XDH: variants seen among roughly 807,000 people sequenced by gnomAD.
XDH encodes xanthine dehydrogenase, also known as xanthine dehydrogenase/oxidase.
Under a neutral mutation model 156.1 loss-of-function variants are expected in XDH, and 138 were observed. That is an observed-to-expected ratio of 0.88 (90% CI 0.77 to 1.02). The LOEUF (loss-of-function observed/expected upper bound fraction) is 1.02, where lower values mean the gene tolerates loss of function less well. Ranked by LOEUF, XDH falls within the 50% of genes least tolerant of loss-of-function variation. XDH has a pLI of 0.00. For missense variants in XDH, 1,849 were observed against 1,684.9 expected (o/e 1.10, Z -1.71); for synonymous variants, 669 against 625.7 (o/e 1.07, Z -1.03).
In XDH at chr2:31,363,684, T is replaced by C. The variant is rs144135699; in HGVS notation, c.2631+474A>G. On this transcript the variant is annotated intron_variant, in intron 24 of 35. Coordinates refer to ENST00000379416, the MANE Select transcript of XDH (RefSeq NM_000379.4). The stretch of plus-strand genomic sequence containing the variant: ...ATTTAAAATTAAAACATCACAGAAA[T>C]GTGTAACACAGAAAATGACAGTGTG... 5.6e-4 allele frequency among the ~76,000 whole-genome samples: 85 copies of C among 152,308 alleles called. 1 individual carries two copies. The highest frequency in any genetic ancestry group is 2.3e-3 in the East Asian group (12 of 5,184).
At chr2:31,383,659 G>A (rs988144532) in intron 10 of XDH, 96 bp downstream of exon 10, 1 of 1,175,140 alleles carries the variant, frequency 8.5e-7, no homozygotes, top group Admixed American at 2.0e-5. Flanking sequence ...GGCAGCCAGA[G>A]CCAGTGGGGA....
At chr2:31,405,074 T>C (rs2148009690) in intron 2 of XDH, among the ~76,000 whole-genome samples, 1 of 152,292 alleles carries the variant, frequency 6.6e-6, no homozygotes, top group East Asian at 1.9e-4. Context: ...CTCTAGGCTT[T>C]GGTGCAATCT....
Position 31,398,572 on chromosome 2 carries a change from C to T in XDH, c.433+1G>A. 1 of 1,614,020 alleles carries T rather than the reference C, an allele frequency of 6.2e-7. No individual in the cohort carries two copies. On this transcript the variant is annotated splice_donor_variant, in intron 5 of 35. Transcript: ENST00000379416. LOFTEE classifies it high-confidence loss of function. ...CCTAGGCTGTGCCTGAAGGCCCATA[C>T]CTTGGAAGGCATTCTCAATCTCCTC...
rs779220188 is a variant in XDH at position 31,337,802 on chromosome 2, G to T, written c.3790C>A (p.Pro1264Thr). 8.7e-6 allele frequency: 14 copies of T among 1,614,180 alleles called. No individual in the cohort carries two copies. The highest frequency in any genetic ancestry group is 6.6e-5 in the South Asian group (6 of 91,076). The part of the protein sequence containing the change: ...IYASKAVGEP[P>T]LFLAASIFFA... ...AAGATAGAAGCAGCCAGGAAGAGGG[G>T]CGGCTCTCCAACAGCCTGAACACAG... The change falls in exon 35 of 36, where the codon CCC becomes ACC. Residue 1264 changes from proline (P) to threonine (T), a missense_variant. Transcript: ENST00000379416.
chr2:31,404,835 T>C (rs1189628885), intron 2 of XDH, among the ~76,000 whole-genome samples: 1 of 152,144 alleles, frequency 6.6e-6, no homozygotes. Context: ...AGCCAACCAC[T>C]GTACTGTCTG....
At chr2:31,380,452 T>G (rs1686407888) in intron 12 of XDH, among the ~76,000 whole-genome samples, 1 of 152,230 alleles carries the variant, frequency 6.6e-6, no homozygotes, top group Non-Finnish European at 1.5e-5. Flanking sequence ...TAGTTTATGC[T>G]GAACCCCTGC....
chr2:31,380,178 T>C, intron 12 of XDH, among the ~76,000 whole-genome samples: 1 of 152,238 alleles, frequency 6.6e-6, no homozygotes, highest in Non-Finnish European at 1.5e-5. Flanking sequence ...GGTGAATCTT[T>C]AACAACCAGT....
rs931623095 is a variant in XDH, at chr2:31,401,209, C to T, written c.306+11G>A. The T allele has an allele frequency of 6.2e-7, 1 of 1,613,806 alleles. No individual in the cohort carries two copies. Among genetic ancestry groups the T allele is most frequent in the African/African-American group, 1.3e-5 (1 of 74,938 alleles). On this transcript the variant is annotated intron_variant, in intron 4 of 35. Coordinates refer to ENST00000379416, the MANE Select transcript of XDH (RefSeq NM_000379.4). ...TGATCTCAAGAGCACAGCTCCCTTT[C>T]CTCTGTTTACCTGCACAGGATGCAG...
chr2:31,375,575 G>GGA (rs888436647), intron 14 of XDH, 21 bp from the exon 15 acceptor site: 24 of 1,611,078 alleles, frequency 1.5e-5, no homozygotes, highest in Admixed American at 1.0e-4. Flanking sequence ...GCAGGGCGTG[G>GGA]GACAGCGCTC....
intron 28 of XDH, among the ~76,000 whole-genome samples, 200 bp from the exon 29 acceptor site, chr2:31,347,850 T>C (rs1685344598): frequency 6.6e-6 from 1 of 152,200 alleles, no homozygotes; most frequent in Non-Finnish European, 1.5e-5. Flanking sequence ...AAAAAATTCA[T>C]AAACTGACAA....
Position 31,348,419 on chromosome 2 carries a change from G to A in XDH, c.3052-56C>T, listed in dbSNP as rs953579841. On this transcript the variant is annotated intron_variant, in intron 27 of 35. Coordinates refer to ENST00000379416, the MANE Select transcript of XDH (RefSeq NM_000379.4). ...ATTCAGTAAAATCCAACTCATTAAG[G>A]TTTGGGACCAAAGGTATGGAGCCCA... The A allele has an allele frequency of 3.2e-6, 5 of 1,549,838 alleles. No homozygotes were observed. The African/African-American group carries it at 4.1e-5, about 13-fold the overall frequency.
chr2:31,368,809 C>T (rs1358868756), intron 18 of XDH, 149 bp from the exon 19 acceptor site: 5 of 1,454,598 alleles, frequency 3.4e-6, no homozygotes, highest in East Asian at 2.4e-5. Flanking sequence ...ATTTCCTTAT[C>T]CTACTGATTG....
At chr2:31,353,231 G>A (rs1448970320) in intron 24 of XDH, among the ~76,000 whole-genome samples, 1 of 152,092 alleles carries the variant, frequency 6.6e-6, no homozygotes, top group Non-Finnish European at 1.5e-5. Context: ...CCACAATAAT[G>A]AGGAGTACGT....
chr2:31,401,761 T>G (rs1429037280), intron 3 of XDH, among the ~76,000 whole-genome samples: 1 of 152,254 alleles, frequency 6.6e-6, no homozygotes, highest in Non-Finnish European at 1.5e-5. Flanking sequence ...TCGCCTCTAT[T>G]GCTTTCATTT....
intron 4 of XDH, among the ~76,000 whole-genome samples, 164 bp downstream of exon 4, chr2:31,401,056 C>T (rs957274554): frequency 1.3e-5 from 2 of 152,164 alleles, no homozygotes; most frequent in Non-Finnish European, 2.9e-5. Flanking sequence ...TTTCACCTCA[C>T]GGTACCCAGA....
In XDH at chr2:31,373,964, G is replaced by A. The variant is rs1558693271; in HGVS notation, c.1603-8C>T. On this transcript the variant is annotated splice_region_variant and splice_polypyrimidine_tract_variant and intron_variant, in intron 15 of 35. Transcript: ENST00000379416. The stretch of plus-strand genomic sequence containing the variant: ...GTCCAGTTTACCACACTTCTGTGGA[G>A]ACAAGAAAACAGAGGTGACCAGGAT... 1 of 1,612,636 alleles carries A rather than the reference G, an allele frequency of 6.2e-7. No individual in the cohort carries two copies. Among genetic ancestry groups the A allele is most frequent in the Non-Finnish European group, 8.5e-7 (1 of 1,179,156 alleles).
At chr2:31,345,745 G>T (rs1034640196) in intron 30 of XDH, among the ~76,000 whole-genome samples, 5 of 152,168 alleles carry the variant, frequency 3.3e-5, no homozygotes, top group Non-Finnish European at 7.3e-5. Context: ...GCATGTGTAT[G>T]TATGTGTTGG....
chr2:31,404,940 A>G (rs1306885847), intron 2 of XDH, among the ~76,000 whole-genome samples: 1 of 152,210 alleles, frequency 6.6e-6, no homozygotes, highest in East Asian at 1.9e-4. Context: ...ATGTCACTGG[A>G]AAGACCCACT....
intron 34 of XDH, among the ~76,000 whole-genome samples, chr2:31,338,923 C>T (rs565757281): frequency 1.9e-4 from 29 of 151,612 alleles, no homozygotes; most frequent in Non-Finnish European, 3.5e-4. Flanking sequence ...TGGGGTTTTG[C>T]CATGTTGCCC....
Sources: allele counts gnomAD v4.1 joint callset (sites outside exome capture counted in the v4.1 genomes callset), GRCh38; gene constraint gnomAD v4.1.1; transcripts MANE v1.5; gene names NCBI Gene and HGNC (gene_info 2026-07-23, HGNC 2026-07-21).